The following UBE4B variants were observed in gnomAD, a reference collection of about 807,000 sequenced individuals.
The protein encoded by UBE4B is ubiquitin conjugation factor E4 B.
In UBE4B, 27 loss-of-function variants were observed where a neutral mutation model predicts 148.1. That is an observed-to-expected ratio of 0.18 (90% CI 0.13 to 0.25). The LOEUF is 0.25. UBE4B is among the 10% of genes least tolerant of loss of function. The pLI, the probability that UBE4B is intolerant of heterozygous loss-of-function variation, is 1.00. For missense variants in UBE4B, 1,170 were observed against 1,662.4 expected, an observed-to-expected ratio of 0.70 and a Z score of 5.15; for synonymous variants, 596 against 619.3, an observed-to-expected ratio of 0.96 and a Z score of 0.56.
chr1:10,105,792 G>C, intron 6 of UBE4B, 48 bp downstream of exon 6: 1 of 1,551,504 alleles, frequency 6.4e-7, no homozygotes, highest in Non-Finnish European at 8.8e-7. Flanking sequence ...AAATAACTGT[G>C]AACTACGTAG....
At chr1:10,127,390 G>A (rs1487315019) in intron 11 of UBE4B, among the ~76,000 whole-genome samples, 3 of 152,080 alleles carry the variant, frequency 2.0e-5, no homozygotes, top group African/African-American at 4.8e-5. Context: ...GCTCTTTAAC[G>A]CACTTAGAGC....
chr1:10,139,145 C>G (rs1290080743), intron 17 of UBE4B, among the ~76,000 whole-genome samples: 1 of 152,190 alleles, frequency 6.6e-6, no homozygotes, highest in African/African-American at 2.4e-5. Context: ...CCTGTAATCC[C>G]AACACTTTGG....
chr1:10,175,819 T>A (rs1293779277), intron 25 of UBE4B, among the ~76,000 whole-genome samples: 1 of 152,186 alleles, frequency 6.6e-6, no homozygotes, highest in Non-Finnish European at 1.5e-5. Flanking sequence ...TCTTGTTATT[T>A]TTTTCTTCTT....
Sources: allele counts gnomAD v4.1 joint callset (sites outside exome capture counted in the v4.1 genomes callset), GRCh38; gene constraint gnomAD v4.1.1; transcripts MANE v1.5; gene names NCBI Gene and HGNC (gene_info 2026-07-23, HGNC 2026-07-21).